Variants in MUC5B observed in about 807,000 individuals in gnomAD.
MUC5B encodes mucin-5B.
MUC5B carries 116 observed loss-of-function variants against 376.9 expected under a neutral mutation model. The observed-to-expected ratio is 0.31, with a 90% CI of 0.26 to 0.36. The LOEUF is 0.36. Ranked by LOEUF, MUC5B falls within the 10% of genes least tolerant of loss-of-function variation. The pLI is 1.00. For synonymous variants in MUC5B, 3,517 were observed against 3,390.9 expected (o/e 1.04, Z -1.29); for missense variants, 7,165 against 7,769.9 (o/e 0.92, Z 2.93).
At chr11:1,259,457 G>C (rs1423515687) in intron 44 of MUC5B, 1 of 531,542 alleles carries the variant, frequency 1.9e-6, no homozygotes, top group Non-Finnish European at 3.4e-6. Context: ...TCCAAAGGGA[G>C]GGTATGAAGT....
Position 1,255,548 on chromosome 11 carries a change from T to C in MUC5B, c.16056T>C (p.Gly5352=), listed in dbSNP as rs1457147016. The C allele has an allele frequency of 4.6e-6, 7 of 1,533,764 alleles. No homozygotes were observed. The highest frequency in any genetic ancestry group is 6.2e-6 in the Non-Finnish European group (7 of 1,136,004). The part of the protein sequence containing the change: ...GVCSDWRGAT[G]GLCDLTCPPT... ...GCAGTGACTGGCGAGGTGCAACCGGTGGCCTGTGCGGTGAGTGGGGGCGGC... is the reference window on the plus strand; with the variant it reads ...GCAGTGACTGGCGAGGTGCAACCGGCGGCCTGTGCGGTGAGTGGGGGCGGC... Residue 5352 remains glycine (G), a synonymous_variant, in exon 37 of 49, where the codon GGT becomes GGC. Coordinates refer to ENST00000529681, the MANE Select transcript of MUC5B (RefSeq NM_002458.3).
At position 1,253,513 on chromosome 11, in the gene MUC5B, C is replaced by T. The variant is rs1862757193; in HGVS notation, c.15217+533C>T. Among the ~76,000 whole-genome samples, 1 of 152,186 alleles carries T rather than the reference C, an allele frequency of 6.6e-6. No individual in the cohort carries two copies. The highest frequency in any genetic ancestry group is 6.5e-5 in the Admixed American group (1 of 15,286). On this transcript the variant is annotated intron_variant, in intron 33 of 48. Coordinates refer to ENST00000529681, the MANE Select transcript of MUC5B (RefSeq NM_002458.3). This position sits in a 1 kb window ranked among gnomAD's most constrained non-coding sequence, Gnocchi z 4.3. ...ACGGCGTTCTCACTCCTCCCCATGT[C>T]CTTGGCCCAGGGCTGCTGTTCCAAA...
At chr11:1,239,970 T>TGGGGGAGCAGGGC in intron 28 of MUC5B, 27 bp downstream of exon 28, 2 of 1,611,010 alleles carry the variant, frequency 1.2e-6, no homozygotes. Flanking sequence ...CGGGTGGCGC[T>TGGGGGAGCAGGGC]GGGGGAGCAG....
At position 1,234,495 on chromosome 11, in the gene MUC5B, C is replaced by T. The variant is rs768623113; in HGVS notation, c.2479-34C>T. ...GAGTGACATCTGCCCACCCTGGTGT[C>T]CAGCCCTGACCGGTACCTGCCTGGG... On this transcript the variant is annotated intron_variant, in intron 20 of 48. Transcript: ENST00000529681. This position sits in a 1 kb window ranked among gnomAD's most constrained non-coding sequence, Gnocchi z 6.3. The T allele has an allele frequency of 6.4e-7, 1 of 1,561,260 alleles. No homozygotes were observed. Among genetic ancestry groups the T allele is most frequent in the South Asian group, 1.2e-5 (1 of 84,464 alleles).
Position 1,237,011 on chromosome 11 carries a change from A to G in MUC5B, c.3144A>G (p.Ala1048=), listed in dbSNP as rs79773885. 6.3e-7 allele frequency: 1 copy of G among 1,576,542 alleles called. No individual in the cohort carries two copies. The highest frequency in any genetic ancestry group is 1.2e-5 in the South Asian group (1 of 85,740). Reference sequence around the variant, plus strand: ...GTAGCCGGTCCGTGGTGGGGGACGCACTGGAGTTTGGGAACAGCTGGAAGC... The same window carrying G: ...GTAGCCGGTCCGTGGTGGGGGACGCGCTGGAGTTTGGGAACAGCTGGAAGC... ...ATRSRSVVGD[A]LEFGNSWKLS... Residue 1048 remains alanine, a synonymous_variant, in exon 25 of 49, where the codon GCA becomes GCG. Coordinates refer to ENST00000529681, the MANE Select transcript of MUC5B (RefSeq NM_002458.3).
rs181236237 is a variant in MUC5B at position 1,247,058 on chromosome 11, C to A, written c.10178C>A (p.Thr3393Lys). Residue 3393 changes from threonine (T) to lysine (K), a missense_variant, in exon 31 of 49, where the codon ACG (threonine) becomes AAG (lysine). This residue lies in a region of MUC5B where 939 missense variants were observed against 770.6 expected (regional missense o/e 1.22). Coordinates refer to ENST00000529681, the MANE Select transcript of MUC5B (RefSeq NM_002458.3). ...GGTACTCCCCCATCACTGACCACCA[C>A]GGCCACTACGATCACAGCCACCGGC... ...TSGTPPSLTT[T>K]ATTITATGST... 4 of 1,558,070 alleles carry A rather than the reference C, an allele frequency of 2.6e-6. No individual in the cohort carries two copies. Among genetic ancestry groups the A allele is most frequent in the Admixed American group, 3.9e-5 (2 of 51,388 alleles).
intron 33 of MUC5B, 53 bp from the exon 34 acceptor site, chr11:1,254,039 G>A: frequency 6.3e-7 from 1 of 1,575,286 alleles, no homozygotes; most frequent in Non-Finnish European, 8.6e-7. Flanking sequence ...TGACGCCTGG[G>A]GAGCGAGGGC....
Position 1,227,030 on chromosome 11 carries a change from G to A in MUC5B, c.462-1G>A, listed in dbSNP as rs1170188289. On this transcript the variant is annotated splice_acceptor_variant, in intron 4 of 48. Transcript: ENST00000529681. LOFTEE classifies it high-confidence loss of function. ...AGGGAGAGACCCCGCTGTCTGCGCA[G>A]GGAGGAGCTGCCTTACAGCCGCACT... 6.2e-7 allele frequency: 1 copy of A among 1,607,746 alleles called. No homozygotes were observed. Among genetic ancestry groups the A allele is most frequent in the Non-Finnish European group, 8.5e-7 (1 of 1,177,002 alleles).
At chr11:1,228,374 T>C (rs377493198) in intron 7 of MUC5B, 190 bp from the exon 8 acceptor site, 1 of 577,404 alleles carries the variant, frequency 1.7e-6, no homozygotes, top group Non-Finnish European at 3.0e-6. Context: ...GGATCCCCGG[T>C]CACGGGTCAC....
Position 1,234,312 on chromosome 11 carries a change from T to G in MUC5B, c.2478+7T>G. The G allele has an allele frequency of 9.6e-7, 1 of 1,044,468 alleles. No individual in the cohort carries two copies. The highest frequency in any genetic ancestry group is 1.5e-6 in the Non-Finnish European group (1 of 681,428). The allele number at this position is 1,044,468 out of a possible 1,614,324, so 64.7% of individuals were successfully genotyped here. A position where few individuals can be genotyped will look rare whatever the true frequency, so the allele number is the denominator to read the frequency against. On this transcript the variant is annotated splice_region_variant and intron_variant, in intron 20 of 48. Coordinates refer to ENST00000529681, the MANE Select transcript of MUC5B (RefSeq NM_002458.3). The surrounding 1 kb of genome is among the most constrained non-coding windows in gnomAD (Gnocchi z 6.3). Reference sequence around the variant, plus strand: ...CACGCTGGACGTGGGCTGTGTGAGTTCCATGCTTCAGGGAGGGGTGGGCAG... The same window carrying G: ...CACGCTGGACGTGGGCTGTGTGAGTGCCATGCTTCAGGGAGGGGTGGGCAG...
At position 1,232,564 on chromosome 11, in the gene MUC5B, C is replaced by T. The variant is rs369167028; in HGVS notation, c.1938+20C>T. On this transcript the variant is annotated intron_variant, in intron 16 of 48. Transcript: ENST00000529681. ...CACTCGGTGAGAGGCTGAGGCCAGACCCCCACGCCTGGGCAGGATGGGTGG... is the reference window on the plus strand; with the variant it reads ...CACTCGGTGAGAGGCTGAGGCCAGATCCCCACGCCTGGGCAGGATGGGTGG... The T allele has an allele frequency of 8.7e-6, 14 of 1,606,592 alleles. No homozygotes were observed. Among genetic ancestry groups the T allele is most frequent in the African/African-American group, 2.7e-5 (2 of 74,758 alleles).
chr11:1,248,762 C>A lies in MUC5B; in HGVS notation c.11882C>A (p.Thr3961Asn), dbSNP rs1255389389. 28 of 1,551,960 alleles carry A rather than the reference C, an allele frequency of 1.8e-5. No homozygotes were observed. The highest frequency in any genetic ancestry group is 2.4e-5 in the Non-Finnish European group (28 of 1,147,304). ...ACGATCACGGCCACCGGCTCCACCA[C>A]CAACCCCTCCTCAACTCCAGGGACA... ...ATTITATGSTTNPSSTPGTTP... is the reference protein window; with the variant it reads ...ATTITATGSTNNPSSTPGTTP... The change falls in exon 31 of 49, where the codon ACC (threonine) becomes AAC (asparagine). Residue 3961 changes from threonine (T) to asparagine (N), a missense_variant. Around this residue, in one of 31 missense-constraint regions of MUC5B, gnomAD observed 242 missense variants for 199.0 expected, o/e 1.22. Coordinates refer to ENST00000529681, the MANE Select transcript of MUC5B (RefSeq NM_002458.3).
intron 30 of MUC5B, 21 bp from the exon 31 acceptor site, chr11:1,240,830 C>G: frequency 1.3e-6 from 2 of 1,587,718 alleles, no homozygotes; most frequent in Non-Finnish European, 1.7e-6. Flanking sequence ...AGCCAGGACC[C>G]CTTTCCCATG....
At position 1,250,931 on chromosome 11, in the gene MUC5B, C is replaced by A; in HGVS notation, c.14051C>A (p.Ala4684Asp). The A allele has an allele frequency of 3.7e-6, 6 of 1,602,484 alleles. No individual in the cohort carries two copies. Among genetic ancestry groups the A allele is most frequent in the Non-Finnish European group, 5.1e-6 (6 of 1,174,206 alleles). Residue 4684 changes from alanine (A) to aspartate (D), a missense_variant, in exon 31 of 49, where the codon GCC becomes GAC. Transcript: ENST00000529681. ...SGTPPSLTTTATTITATGSTT... is the reference protein window; with the variant it reads ...SGTPPSLTTTDTTITATGSTT... ...ACTCCCCCATCACTGACCACCACGG[C>A]CACTACGATCACGGCCACCGGCTCC...
chr11:1,232,819 C>A (rs375610405), intron 17 of MUC5B, 49 bp downstream of exon 17: 25 of 1,530,018 alleles, frequency 1.6e-5, no homozygotes, highest in Non-Finnish European at 2.0e-5. Flanking sequence ...CGTGGGGGTG[C>A]GGGGGACCCT....
rs770385625 is a variant in MUC5B, at chr11:1,241,694, G to C, written c.4814G>C (p.Gly1605Ala). The change falls in exon 31 of 49, where the codon GGA (glycine) becomes GCA (alanine). Residue 1605 changes from glycine (G) to alanine (A), a missense_variant. Gly to Ala is a moderately conservative substitution (Grantham distance 60). This residue lies in a region of MUC5B where 897 missense variants were observed against 779.6 expected (regional missense o/e 1.15). Coordinates refer to ENST00000529681, the MANE Select transcript of MUC5B (RefSeq NM_002458.3). ...TGCTGCAGTGACGACCACTGCAGGGGACGTGCCACAACCCCGCCACCGACC... is the reference window on the plus strand; with the variant it reads ...TGCTGCAGTGACGACCACTGCAGGGCACGTGCCACAACCCCGCCACCGACC... ...VLCCSDDHCRGRATTPPPTTE... is the reference protein window; with the variant it reads ...VLCCSDDHCRARATTPPPTTE... The C allele has an allele frequency of 6.2e-7, 1 of 1,612,278 alleles. No individual in the cohort carries two copies. The highest frequency in any genetic ancestry group is 1.1e-5 in the South Asian group (1 of 91,010).
chr11:1,235,150 G>T lies in MUC5B; in HGVS notation c.2696G>T (p.Gly899Val). 6.2e-7 allele frequency: 1 copy of T among 1,613,048 alleles called. No individual in the cohort carries two copies. Among genetic ancestry groups the T allele is most frequent in the Non-Finnish European group, 8.5e-7 (1 of 1,179,720 alleles). ...RLCLGTCVAY[G>V]DGHFITFDGD... is the part of the protein sequence containing the mutation. The stretch of plus-strand genomic sequence containing the variant: ...TGCCTGGGCACCTGCGTGGCCTACG[G>T]GGATGGCCACTTCATCACCTTTGAT... Residue 899 changes from glycine (G) to valine (V), a missense_variant, in exon 22 of 49, where the codon GGG becomes GTG. This residue lies in a region of MUC5B where 530 missense variants were observed against 604.0 expected (regional missense o/e 0.88). Coordinates refer to ENST00000529681, the MANE Select transcript of MUC5B (RefSeq NM_002458.3).
Position 1,227,015 on chromosome 11 carries a change from C to A in MUC5B, c.462-16C>A, listed in dbSNP as rs756967047. On this transcript the variant is annotated splice_polypyrimidine_tract_variant and intron_variant, in intron 4 of 48. Coordinates refer to ENST00000529681, the MANE Select transcript of MUC5B (RefSeq NM_002458.3). ...AGGAGAGCGGGGCCCAGGGAGAGAC[C>A]CCGCTGTCTGCGCAGGGAGGAGCTG... The A allele has an allele frequency of 1.3e-6, 2 of 1,599,274 alleles. No homozygotes were observed. Among genetic ancestry groups the A allele is most frequent in the South Asian group, 2.2e-5 (2 of 89,614 alleles).
At position 1,250,014 on chromosome 11, in the gene MUC5B, C is replaced by G. The variant is rs533025124; in HGVS notation, c.13134C>G (p.Ser4378=). The change falls in exon 31 of 49, where the codon TCC becomes TCG. Residue 4378 remains serine (S), a synonymous_variant. Transcript: ENST00000529681. ...TKATTTRATS[S]TSTPSSTPGT... is the part of the protein sequence containing the mutation. ...CCACCACGACAAGGGCCACCAGTTC[C>G]ACGTCCACCCCCTCCTCCACTCCGG... 4.8e-5 allele frequency: 78 copies of G among 1,611,758 alleles called. 1 individual carries two copies. The East Asian group carries it at 1.5e-3, about 31-fold the overall frequency.
Sources: gnomAD v4.1 joint callset for allele counts (sites outside exome capture counted in the v4.1 genomes callset) on GRCh38, gnomAD v4.1.1 for gene constraint, gnomAD v4.1.1 regional missense constraint, Gnocchi (gnomAD v3.1) non-coding constraint, MANE v1.5 for transcripts, NCBI Gene and HGNC (gene_info 2026-07-23, HGNC 2026-07-21) for gene names.